The following ZBTB46 variants were observed in gnomAD, a reference collection of about 807,000 sequenced individuals.
ZBTB46 encodes zinc finger and BTB domain-containing protein 46.
A neutral mutation model predicts 44.1 loss-of-function variants in ZBTB46; 8 were observed. That is an observed-to-expected ratio of 0.18 (90% CI 0.11 to 0.33). ZBTB46 has a LOEUF of 0.33. Among genes scored for constraint, ZBTB46 ranks in the 10% least tolerant of loss-of-function variants. The pLI is 1.00. For synonymous variants in ZBTB46, 409 were observed against 382.3 expected (o/e 1.07, Z -0.81); for missense variants, 651 against 847.7 (o/e 0.77, Z 2.88).
chr20:63,808,754 G>C lies in ZBTB46; in HGVS notation c.-33-17964C>G, dbSNP rs567888849. On this transcript the variant is annotated intron_variant, in intron 1 of 4. Coordinates refer to ENST00000245663, the MANE Select transcript of ZBTB46 (RefSeq NM_001369741.1). Reference sequence around the variant, plus strand: ...CTTTGGGAGGCCGAGGCGGGCGGATGGTGAGGTCAGGAGATCAAGACCATC... The same window carrying C: ...CTTTGGGAGGCCGAGGCGGGCGGATCGTGAGGTCAGGAGATCAAGACCATC... Among the ~76,000 whole-genome samples the C allele has an allele frequency of 2.6e-5, 4 of 152,096 alleles. No homozygotes were observed. The South Asian group carries it at 8.3e-4, about 32-fold the overall frequency.
intron 2 of ZBTB46, among the ~76,000 whole-genome samples, chr20:63,784,656 G>A (rs753476005): frequency 2.4e-4 from 36 of 152,326 alleles, no homozygotes; most frequent in Non-Finnish European, 2.4e-4. Context: ...GGGGAGGCAC[G>A]GGCCTGCCTG....
intron 1 of ZBTB46, among the ~76,000 whole-genome samples, chr20:63,826,119 G>C (rs912939635): frequency 1.3e-5 from 2 of 152,254 alleles, no homozygotes; most frequent in African/African-American, 4.8e-5. Flanking sequence ...GAATGGGAAG[G>C]CTTTCTGTGC....
In ZBTB46 at chr20:63,805,449, A is replaced by T. The variant is rs997963217; in HGVS notation, c.-33-14659T>A. Among the ~76,000 whole-genome samples, 8 of 152,172 alleles carry T rather than the reference A, an allele frequency of 5.3e-5. No individual in the cohort carries two copies. In the South Asian group the frequency reaches 1.7e-3, roughly 32 times the overall value. On this transcript the variant is annotated intron_variant, in intron 1 of 4. Coordinates refer to ENST00000245663, the MANE Select transcript of ZBTB46 (RefSeq NM_001369741.1). ...CACTGTGCTCTAGCTGGAGTGACAGAGCAAGACCCCCATCTCTAAAGGAAA... is the reference window on the plus strand; with the variant it reads ...CACTGTGCTCTAGCTGGAGTGACAGTGCAAGACCCCCATCTCTAAAGGAAA...
intron 4 of ZBTB46, among the ~76,000 whole-genome samples, chr20:63,747,631 G>A (rs981880427): frequency 1.3e-5 from 2 of 151,800 alleles, no homozygotes; most frequent in Admixed American, 6.6e-5. Context: ...GACTCCTGGT[G>A]GGGGAGGTGC....
chr20:63,783,383 C>A (rs1001442537), intron 2 of ZBTB46, among the ~76,000 whole-genome samples: 1 of 152,098 alleles, frequency 6.6e-6, no homozygotes, highest in Non-Finnish European at 1.5e-5. Context: ...GAGCCGAGAT[C>A]GCGCCATTGC....
chr20:63,784,335 G>C (rs573702744), intron 2 of ZBTB46, among the ~76,000 whole-genome samples: 2 of 152,328 alleles, frequency 1.3e-5, no homozygotes, highest in African/African-American at 2.4e-5. Context: ...GAGGCTTGCA[G>C]GCAGTGCTAG....
intron 1 of ZBTB46, among the ~76,000 whole-genome samples, chr20:63,822,226 G>A (rs1037658667): frequency 3.4e-4 from 51 of 152,190 alleles, no homozygotes; most frequent in African/African-American, 1.1e-3. Flanking sequence ...CACTCACAGC[G>A]TCGGGAACCG....
intron 1 of ZBTB46, among the ~76,000 whole-genome samples, chr20:63,796,142 G>A (rs1314833116): frequency 6.6e-6 from 1 of 152,300 alleles, no homozygotes; most frequent in South Asian, 2.1e-4. Context: ...TAATTTAGGG[G>A]GCAGACTGGG....
At chr20:63,763,656 T>C (rs946998967) in intron 3 of ZBTB46, among the ~76,000 whole-genome samples, 2 of 152,188 alleles carry the variant, frequency 1.3e-5, no homozygotes, top group Non-Finnish European at 2.9e-5. Flanking sequence ...ACGTCCAGTA[T>C]TGCGGATCAC....
intron 3 of ZBTB46, among the ~76,000 whole-genome samples, chr20:63,773,281 G>A (rs1342915438): frequency 6.7e-5 from 10 of 149,588 alleles, no homozygotes; most frequent in African/African-American, 2.3e-4. Context: ...CAGGCTGGAG[G>A]GCAATGATGC....
Position 63,788,836 on chromosome 20 carries a change from CTTT to C in ZBTB46, c.937+982_937+984del, listed in dbSNP as rs1172831876. 7.5e-5 allele frequency among the ~76,000 whole-genome samples: 10 copies of C among 133,104 alleles called. No individual in the cohort carries two copies. In the South Asian group the frequency reaches 2.1e-3, roughly 28 times the overall value. 87.3% of individuals were successfully genotyped at this position (133,104 alleles called of 152,430 possible). A position where few individuals can be genotyped will look rare whatever the true frequency, so the allele number is the denominator to read the frequency against. On this transcript the variant is annotated intron_variant, in intron 2 of 4. Transcript: ENST00000245663. ...CCTGGGCAACACGGTGAGACTGTCT[CTTT>C]TTTTTTTTTTTTTGAGATGGAGTTT...
Position 63,771,507 on chromosome 20 carries a change from G to T in ZBTB46, c.1222+4171C>A, listed in dbSNP as rs6089986. On this transcript the variant is annotated intron_variant, in intron 3 of 4. Transcript: ENST00000245663. ...GATCAGCAGACGGCGTCAGACCCCGGGGCTCAGTTCTCTCCCCCGATCAGC... is the reference window on the plus strand; with the variant it reads ...GATCAGCAGACGGCGTCAGACCCCGTGGCTCAGTTCTCTCCCCCGATCAGC... Among the ~76,000 whole-genome samples, 3 of 152,064 alleles carry T rather than the reference G, an allele frequency of 2.0e-5. No individual in the cohort carries two copies. In the East Asian group the frequency reaches 5.8e-4, roughly 30 times the overall value.
At chr20:63,797,893 C>G (rs1444175256) in intron 1 of ZBTB46, among the ~76,000 whole-genome samples, 1 of 152,180 alleles carries the variant, frequency 6.6e-6, no homozygotes, top group East Asian at 1.9e-4. Context: ...TTTGTAGATT[C>G]TGGATATTCG....
chr20:63,798,000 A>T (rs1354774151), intron 1 of ZBTB46, among the ~76,000 whole-genome samples: 3 of 152,084 alleles, frequency 2.0e-5, no homozygotes, highest in African/African-American at 7.2e-5. Context: ...AAGCTCTTTA[A>T]TTAGATCCCA....
rs1160750317 is a variant in ZBTB46, at chr20:63,790,471, G to A, written c.287C>T (p.Ala96Val). 3.1e-6 allele frequency: 5 copies of A among 1,613,318 alleles called. No homozygotes were observed. The South Asian group carries it at 3.3e-5, about 11-fold the overall frequency. The change falls in exon 2 of 5, where the codon GCG becomes GTG. Residue 96 changes from alanine to valine, a missense_variant. Around this residue, in one of 5 missense-constraint regions of ZBTB46, gnomAD observed 65 missense variants for 167.9 expected, o/e 0.39. Coordinates refer to ENST00000245663, the MANE Select transcript of ZBTB46 (RefSeq NM_001369741.1). ...IIDFMYSAHLALTSRNVIEVM... is the reference protein window; with the variant it reads ...IIDFMYSAHLVLTSRNVIEVM... ...CTCGATGACGTTCCTGCTGGTGAGC[G>A]CCAGGTGCGCTGAGTACATGAAGTC...
chr20:63,807,997 A>T (rs1173427678), intron 1 of ZBTB46: 1 of 150,990 alleles, frequency 6.6e-6, no homozygotes, highest in African/African-American at 2.5e-5. Flanking sequence ...CCCACAGGGG[A>T]CACTCACGGA....
intron 1 of ZBTB46, among the ~76,000 whole-genome samples, chr20:63,817,815 G>A (rs958795414): frequency 3.9e-5 from 6 of 152,104 alleles, no homozygotes; most frequent in African/African-American, 9.7e-5. Flanking sequence ...GGAGCGAGGC[G>A]TCTATAAGCC....
In ZBTB46 at chr20:63,746,207, AGGGAACCT is replaced by A. The variant is rs2092087967; in HGVS notation, c.*715_*722del. On this transcript the variant is annotated 3_prime_UTR_variant, in exon 5 of 5. Transcript: ENST00000245663. ...CACGACTGAGCCGAGGCCCTTGCAG[AGGGAACCT>A]GGTGTGGCCTGAAGTGGTGGGGGGC... 6.5e-6 allele frequency: 1 copy of A among 152,880 alleles called. No individual in the cohort carries two copies. Among genetic ancestry groups the A allele is most frequent in the Non-Finnish European group, 1.5e-5 (1 of 68,234 alleles). The allele number at this position is 152,880 out of a possible 1,614,324, so 9.5% of individuals were successfully genotyped here.
At chr20:63,783,441 A>C (rs1164437465) in intron 2 of ZBTB46, among the ~76,000 whole-genome samples, 1 of 152,230 alleles carries the variant, frequency 6.6e-6, no homozygotes, top group African/African-American at 2.4e-5. Flanking sequence ...ACAAAAACAA[A>C]AACAAAAAAT....
Sources: allele counts gnomAD v4.1 joint callset (sites outside exome capture counted in the v4.1 genomes callset), GRCh38; gene constraint gnomAD v4.1.1; regional missense constraint gnomAD v4.1.1; transcripts MANE v1.5; gene names NCBI Gene and HGNC (gene_info 2026-07-23, HGNC 2026-07-21).